The following ZMYM2 variants were observed in gnomAD, a reference collection of about 807,000 sequenced individuals.
ZMYM2 encodes the protein zinc finger MYM-type containing 2, also known as zinc finger MYM-type protein 2.
In ZMYM2, 56 loss-of-function variants were observed where a neutral mutation model predicts 162.8. That is an observed-to-expected ratio of 0.34 (90% CI 0.28 to 0.43). ZMYM2 has a LOEUF of 0.43. Ranked by LOEUF, ZMYM2 falls within the 20% of genes least tolerant of loss-of-function variation. ZMYM2 has a pLI of 1.00. For synonymous variants in ZMYM2, 510 were observed against 541.6 expected, an observed-to-expected ratio of 0.94 and a Z score of 0.81; for missense variants, 1,275 against 1,621.8, an observed-to-expected ratio of 0.79 and a Z score of 3.67.
intron 21 of ZMYM2, among the ~76,000 whole-genome samples, chr13:20,077,174 G>GA (rs1224607365): frequency 6.6e-6 from 1 of 150,636 alleles, no homozygotes; most frequent in Non-Finnish European, 1.5e-5. Flanking sequence ...ATTAAGTGCT[G>GA]TTGTATGCTG....
Position 20,086,773 on chromosome 13 carries a change from A to G in ZMYM2, c.*759A>G, listed in dbSNP as rs377164892. On this transcript the variant is annotated 3_prime_UTR_variant, in exon 25 of 25. Transcript: ENST00000610343. ...TATATATGTATGTATGTGTGTGTGT[A>G]TATATATATATATATATATATATAT... 0.024 allele frequency: 2,111 copies of G among 88,266 alleles called. 16 individuals are homozygous for G. Among genetic ancestry groups the G allele is most frequent in the Non-Finnish European group, 0.031 (1,424 of 45,828 alleles). The allele number at this position is 88,266 out of a possible 1,614,324, so 5.5% of individuals were successfully genotyped here. A position where few individuals can be genotyped will look rare whatever the true frequency, so the allele number is the denominator to read the frequency against.
chr13:19,864,317 C>G, the ZMYM2 span: 1 of 155,064 alleles, frequency 6.4e-6, no homozygotes, highest in African/African-American at 2.4e-5. Flanking sequence ...CAGGAGGAGA[C>G]GACGTCCTCC....
At chr13:19,913,871 A>G in the ZMYM2 span, among the ~76,000 whole-genome samples, 2 of 152,186 alleles carry the variant, frequency 1.3e-5, no homozygotes, top group East Asian at 1.9e-4. Flanking sequence ...GCCTGCATCT[A>G]TGTTGATAGA....
chr13:20,041,946 C>T (rs1437902654), intron 12 of ZMYM2, among the ~76,000 whole-genome samples: 3 of 152,110 alleles, frequency 2.0e-5, no homozygotes, highest in African/African-American at 4.8e-5. Context: ...GATGAGTTTC[C>T]GTTTGTAGGT....
the ZMYM2 span, among the ~76,000 whole-genome samples, chr13:19,878,741 T>C: frequency 9.2e-5 from 14 of 152,068 alleles, no homozygotes; most frequent in African/African-American, 3.4e-4. Context: ...AGGCTGGTCT[T>C]GAACTCCTGA....
chr13:19,972,136 T>C (rs1013272238), intron 2 of ZMYM2, among the ~76,000 whole-genome samples: 5 of 152,208 alleles, frequency 3.3e-5, no homozygotes, highest in African/African-American at 1.2e-4. Flanking sequence ...ATTTATTAGA[T>C]CAAAGGGATT....
Position 20,085,964 on chromosome 13 carries a change from A to AG in ZMYM2, c.4084_4085insG (p.Lys1362ArgfsTer5), listed in dbSNP as rs774438077. 6.2e-7 allele frequency: 1 copy of AG among 1,613,762 alleles called. No individual in the cohort carries two copies. The highest frequency in any genetic ancestry group is 8.5e-7 in the Non-Finnish European group (1 of 1,179,740). On this transcript the variant is annotated frameshift_variant, in exon 25 of 25. Coordinates refer to ENST00000610343, the MANE Select transcript of ZMYM2 (RefSeq NM_197968.4). LOFTEE classifies it high-confidence loss of function. ...TATGCTTGTACGGGTTCTTCTAGTA[A>AG]AAGATATTTATGATAAAGACAATTA...
At chr13:20,039,559 C>T (rs1431190531) in intron 12 of ZMYM2, among the ~76,000 whole-genome samples, 3 of 151,180 alleles carry the variant, frequency 2.0e-5, no homozygotes, top group East Asian at 1.9e-4. Flanking sequence ...CTGCAAGCTC[C>T]GCCTCCCAGG....
rs74035909 is a variant in ZMYM2, at chr13:20,079,992, T to A, written c.3454-2024T>A. On this transcript the variant is annotated intron_variant, in intron 21 of 24. Transcript: ENST00000610343. ...GTGATTGTTTTATGTAATACCCAAC[T>A]AAGTTTGTATATTTAGAAATCCAGA... Among the ~76,000 whole-genome samples, 968 of 152,330 alleles carry A rather than the reference T, an allele frequency of 6.4e-3. 17 individuals carry two copies. Among genetic ancestry groups the A allele is most frequent in the African/African-American group, 0.022 (906 of 41,574 alleles).
At chr13:20,064,296 A>G (rs1593192230) in intron 18 of ZMYM2, among the ~76,000 whole-genome samples, 155 bp from the exon 19 acceptor site, 1 of 152,116 alleles carries the variant, frequency 6.6e-6, no homozygotes, top group Non-Finnish European at 1.5e-5. Context: ...TTCACAAACC[A>G]TGTTAGGTAC....
chr13:20,036,699 G>A (rs1238562523), intron 11 of ZMYM2, 38 bp from the exon 12 acceptor site: 1 of 1,424,514 alleles, frequency 7.0e-7, no homozygotes, highest in African/African-American at 1.5e-5. Context: ...GTTTTCATGT[G>A]TTTTTTTGTT....
chr13:19,900,422 T>C, the ZMYM2 span, among the ~76,000 whole-genome samples: 1 of 152,150 alleles, frequency 6.6e-6, no homozygotes. Flanking sequence ...ACAGGCCTAT[T>C]ACTAGGAAGG....
chr13:19,987,367 G>A (rs909120106), intron 2 of ZMYM2, among the ~76,000 whole-genome samples: 28 of 151,686 alleles, frequency 1.8e-4, no homozygotes, highest in African/African-American at 6.3e-4. Flanking sequence ...TGGTTCAAGC[G>A]ATTCTCCTGC....
Position 20,085,832 on chromosome 13 carries a change from C to G in ZMYM2, c.3952C>G (p.Leu1318Val). Residue 1318 changes from leucine to valine, a missense_variant, in exon 25 of 25, where the codon CTT becomes GTT. Transcript: ENST00000610343. ...CTCCCGCCTCCAAAGTCCACAGAATCTTAATCAGAGGATGGATGTTTTTTA... is the reference window on the plus strand; with the variant it reads ...CTCCCGCCTCCAAAGTCCACAGAATGTTAATCAGAGGATGGATGTTTTTTA... ...ECYLSKSPQN[L>V]NQRMDVFYLQ... 1 of 1,605,674 alleles carries G rather than the reference C, an allele frequency of 6.2e-7. No homozygotes were observed. The highest frequency in any genetic ancestry group is 8.5e-7 in the Non-Finnish European group (1 of 1,176,278).
At position 19,999,113 on chromosome 13, in the gene ZMYM2, T is replaced by A. The variant is rs74035457; in HGVS notation, c.848-3737T>A. On this transcript the variant is annotated intron_variant, in intron 3 of 24. Transcript: ENST00000610343. ...AAAAGAGAAAATATGTCCTCTAGCA[T>A]TAATAGTTACCACACCTCAGTACTG... 6.3e-3 allele frequency among the ~76,000 whole-genome samples: 965 copies of A among 152,306 alleles called. 17 individuals are homozygous for A. Among genetic ancestry groups the A allele is most frequent in the African/African-American group, 0.022 (903 of 41,564 alleles).
the ZMYM2 span, among the ~76,000 whole-genome samples, chr13:19,925,147 G>A: frequency 1.3e-5 from 2 of 152,156 alleles, no homozygotes; most frequent in Admixed American, 6.6e-5. Context: ...GCCTCCCAAA[G>A]TGCTGGGATT....
At chr13:20,021,960 C>A (rs1170494571) in intron 7 of ZMYM2, among the ~76,000 whole-genome samples, 1 of 152,134 alleles carries the variant, frequency 6.6e-6, no homozygotes, top group African/African-American at 2.4e-5. Context: ...ACTTGTGTTT[C>A]CTCAACTCAG....
At chr13:20,063,404 A>T (rs201135565) in intron 18 of ZMYM2, among the ~76,000 whole-genome samples, 1,116 of 103,524 alleles carry the variant, frequency 0.011, 49 homozygotes, top group Admixed American at 0.086. Context: ...CCCTGTCTTT[A>T]AAAAAAAAAA....
Position 19,981,287 on chromosome 13 carries a change from C to CA in ZMYM2, c.-10-11770dup, listed in dbSNP as rs1555284459. ...CCCTGCCTCTAAAAAACAGAAAAAA[C>CA]AAAAAACAAACAAACAAAAAAAAAA... On this transcript the variant is annotated intron_variant, in intron 2 of 24. Coordinates refer to ENST00000610343, the MANE Select transcript of ZMYM2 (RefSeq NM_197968.4). Among the ~76,000 whole-genome samples, 8 of 138,130 alleles carry CA rather than the reference C, an allele frequency of 5.8e-5. No individual in the cohort carries two copies. In the South Asian group the frequency reaches 6.7e-4, roughly 12 times the overall value. 90.6% of individuals were successfully genotyped at this position (138,130 alleles called of 152,430 possible).
Sources: allele counts gnomAD v4.1 joint callset (sites outside exome capture counted in the v4.1 genomes callset), GRCh38; gene constraint gnomAD v4.1.1; transcripts MANE v1.5; gene names NCBI Gene and HGNC (gene_info 2026-07-23, HGNC 2026-07-21).